Variants in BCL2L11 observed in about 807,000 individuals in gnomAD.
BCL2L11 encodes the protein bcl-2-like protein 11.
A neutral mutation model predicts 20.6 loss-of-function variants in BCL2L11; 15 were observed. The observed-to-expected ratio is 0.73, with a 90% CI of 0.49 to 1.12. The LOEUF (loss-of-function observed/expected upper bound fraction) is 1.12. Ranked by LOEUF, BCL2L11 falls within the 50% of genes most tolerant of loss-of-function variation. BCL2L11 has a pLI of 0.00. For missense variants in BCL2L11, 292 were observed against 260.9 expected (o/e 1.12, Z -0.82); for synonymous variants, 108 against 92.8 (o/e 1.16, Z -0.94).
Position 111,124,151 on chromosome 2 carries a change from C to A in BCL2L11, c.394+12C>A, listed in dbSNP as rs748115356. Reference sequence around the variant, plus strand: ...TCTCAGTGCAATGGGTAAGCAATGCCTGGGTAAGAGGCAGTTGACGTGTGG... The same window carrying A: ...TCTCAGTGCAATGGGTAAGCAATGCATGGGTAAGAGGCAGTTGACGTGTGG... On this transcript the variant is annotated intron_variant, in intron 2 of 3. Transcript: ENST00000393256. 6.3e-7 allele frequency: 1 copy of A among 1,593,864 alleles called. No homozygotes were observed. The highest frequency in any genetic ancestry group is 8.6e-7 in the Non-Finnish European group (1 of 1,169,502).
chr2:111,146,934 T>A (rs1430447090), intron 2 of BCL2L11, among the ~76,000 whole-genome samples: 1 of 152,184 alleles, frequency 6.6e-6, no homozygotes, highest in East Asian at 1.9e-4. Flanking sequence ...TACTTTTAGG[T>A]TTATAAATTC....
intron 2 of BCL2L11, among the ~76,000 whole-genome samples, chr2:111,125,177 A>G (rs1269856341): frequency 6.6e-6 from 1 of 152,234 alleles, no homozygotes; most frequent in Non-Finnish European, 1.5e-5. Flanking sequence ...TGCAAAATTG[A>G]TGCCAGATAC....
chr2:111,148,354 AG>A (rs1342636380), intron 2 of BCL2L11, among the ~76,000 whole-genome samples: 1 of 152,228 alleles, frequency 6.6e-6, no homozygotes, highest in Non-Finnish European at 1.5e-5. Flanking sequence ...ACTTGTTAAA[AG>A]CTTCTAAATC....
chr2:111,128,905 T>C lies in BCL2L11; in HGVS notation c.394+4766T>C, dbSNP rs2073276881. On this transcript the variant is annotated intron_variant, in intron 2 of 3. Coordinates refer to ENST00000393256, the MANE Select transcript of BCL2L11 (RefSeq NM_138621.5). ...CTACTAGAAAAATGCACAATTAGAT[T>C]TGTGGCTGGTGTTCTGTTTCATCTA... is the stretch of plus-strand genomic sequence containing the variant. 20 of 1,259,222 alleles carry C rather than the reference T, an allele frequency of 1.6e-5. No individual in the cohort carries two copies. In the South Asian group the frequency reaches 3.0e-4, roughly 19 times the overall value. The allele number at this position is 1,259,222 out of a possible 1,614,324, so 78.0% of individuals were successfully genotyped here.
chr2:111,139,674 G>A (rs1385884986), intron 2 of BCL2L11, among the ~76,000 whole-genome samples: 2 of 152,130 alleles, frequency 1.3e-5, no homozygotes, highest in Admixed American at 6.5e-5. Context: ...ATGAGGTAGC[G>A]GAAGTAAACC....
At chr2:111,153,113 C>T (rs1030144922) in intron 3 of BCL2L11, among the ~76,000 whole-genome samples, 1 of 152,120 alleles carries the variant, frequency 6.6e-6, no homozygotes, top group Non-Finnish European at 1.5e-5. Context: ...TACGGTGGCT[C>T]ACACCTGTAA....
intron 1 of BCL2L11, chr2:111,122,730 C>T (rs2071389475): frequency 6.1e-6 from 6 of 983,470 alleles, no homozygotes; most frequent in African/African-American, 1.8e-5. Flanking sequence ...CCCGGCGGAG[C>T]GCGGCGGCGG....
At position 111,121,060 on chromosome 2, in the gene BCL2L11, C is replaced by G. The variant is rs1306859441; in HGVS notation, c.-142C>G. On this transcript the variant is annotated 5_prime_UTR_variant, in exon 1 of 4. Transcript: ENST00000393256. ...GATTCTTGCAGCCACCCTGCGAACCCTGCCACACTGCGATCGCATCATCGC... is the reference window on the plus strand; with the variant it reads ...GATTCTTGCAGCCACCCTGCGAACCGTGCCACACTGCGATCGCATCATCGC... 1 of 358,866 alleles carries G rather than the reference C, an allele frequency of 2.8e-6. No individual in the cohort carries two copies. Among genetic ancestry groups the G allele is most frequent in the Non-Finnish European group, 5.0e-6 (1 of 200,978 alleles). 22.2% of individuals were successfully genotyped at this position (358,866 alleles called of 1,614,324 possible). A position where few individuals can be genotyped will look rare whatever the true frequency, so the allele number is the denominator to read the frequency against.
intron 3 of BCL2L11, among the ~76,000 whole-genome samples, chr2:111,155,525 G>A (rs1165025169): frequency 6.6e-6 from 1 of 152,112 alleles, no homozygotes; most frequent in Non-Finnish European, 1.5e-5. Flanking sequence ...GCTTACTCTT[G>A]GAATAACTGG....
At chr2:111,127,541 C>T (rs1318456846) in intron 2 of BCL2L11, among the ~76,000 whole-genome samples, 3 of 151,264 alleles carry the variant, frequency 2.0e-5, no homozygotes, top group Non-Finnish European at 2.9e-5. Flanking sequence ...CAGATGCTAG[C>T]GAGTGCCTGA....
Position 111,120,970 on chromosome 2 carries a change from C to A in BCL2L11, c.-232C>A, listed in dbSNP as rs1012912446. ...TTTGTTGGAGCTCTGCGTCCAGCGC[C>A]GCTGCCGCTGCCGCCGCCGCCGCCG... On this transcript the variant is annotated 5_prime_UTR_variant, in exon 1 of 4. Coordinates refer to ENST00000393256, the MANE Select transcript of BCL2L11 (RefSeq NM_138621.5). The A allele has an allele frequency of 3.0e-4, 84 of 281,172 alleles. 4 individuals are homozygous for A. Among genetic ancestry groups the A allele is most frequent in the African/African-American group, 5.0e-4 (7 of 14,124 alleles). 17.4% of individuals were successfully genotyped at this position (281,172 alleles called of 1,614,324 possible).
At chr2:111,123,166 G>A in intron 1 of BCL2L11, 1 of 985,490 alleles carries the variant, frequency 1.0e-6, no homozygotes, top group Non-Finnish European at 1.2e-6. Flanking sequence ...CGGGCGGAGA[G>A]AGCGCCAGAG....
At chr2:111,140,266 A>AC (rs2075594167) in intron 2 of BCL2L11, among the ~76,000 whole-genome samples, 1 of 152,220 alleles carries the variant, frequency 6.6e-6, no homozygotes, top group South Asian at 2.1e-4. Context: ...AATTTAAAAA[A>AC]AAAATCATTT....
At chr2:111,161,349 AAGAC>A in intron 3 of BCL2L11, 2 of 1,520,314 alleles carry the variant, frequency 1.3e-6, no homozygotes, top group Non-Finnish European at 1.8e-6. Context: ...GTAATCAGGA[AAGAC>A]AGTCTGTCTT....
At chr2:111,140,683 T>C (rs1055017933) in intron 2 of BCL2L11, among the ~76,000 whole-genome samples, 1 of 152,236 alleles carries the variant, frequency 6.6e-6, no homozygotes, top group Admixed American at 6.5e-5. Flanking sequence ...TGAAGTAGTC[T>C]ATAGTGAATT....
At chr2:111,131,434 G>A (rs1401428128) in intron 2 of BCL2L11, 1 of 152,072 alleles carries the variant, frequency 6.6e-6, no homozygotes, top group Admixed American at 6.6e-5. Context: ...AATGGATGCA[G>A]GATCTGTTGT....
chr2:111,160,665 G>A (rs969739118), intron 3 of BCL2L11, among the ~76,000 whole-genome samples: 3 of 152,236 alleles, frequency 2.0e-5, no homozygotes, highest in Non-Finnish European at 4.4e-5. Flanking sequence ...GTGATTGTGT[G>A]TATGTGTGTC....
chr2:111,135,653 G>A (rs1357675126), intron 2 of BCL2L11, among the ~76,000 whole-genome samples: 1 of 152,174 alleles, frequency 6.6e-6, no homozygotes, highest in African/African-American at 2.4e-5. Context: ...TTAGCCAGAT[G>A]GGGCGAAGAC....
Position 111,124,132 on chromosome 2 carries a change from T to G in BCL2L11, c.387T>G (p.Ser129Arg). The G allele has an allele frequency of 6.2e-7, 1 of 1,608,390 alleles. No individual in the cohort carries two copies. Among genetic ancestry groups the G allele is most frequent in the Non-Finnish European group, 8.5e-7 (1 of 1,177,270 alleles). ...PPCQAFNHYL[S>R]AMASMRQAEP... ...GCCAGGCCTTCAACCACTATCTCAG[T>G]GCAATGGGTAAGCAATGCCTGGGTA... The change falls in exon 2 of 4, where the codon AGT (serine) becomes AGG (arginine). Residue 129 changes from serine (S) to arginine (R), a missense_variant. Transcript: ENST00000393256.
Sources: gnomAD v4.1 joint callset for allele counts (sites outside exome capture counted in the v4.1 genomes callset) on GRCh38, gnomAD v4.1.1 for gene constraint, MANE v1.5 for transcripts, NCBI Gene and HGNC (gene_info 2026-07-23, HGNC 2026-07-21) for gene names.